Variants in DDX10 observed in about 807,000 individuals in gnomAD.
DDX10 encodes the protein DEAD-box helicase 10.
Under a neutral mutation model 104.3 loss-of-function variants are expected in DDX10, and 74 were observed. That is an observed-to-expected ratio of 0.71 (90% CI 0.59 to 0.86). The LOEUF (loss-of-function observed/expected upper bound fraction) is 0.86, where lower values mean the gene tolerates loss of function less well. Among genes scored for constraint, DDX10 ranks in the 40% least tolerant of loss-of-function variants. The pLI is 0.00. For missense variants in DDX10, 952 were observed against 1,040.0 expected (o/e 0.92, Z 1.16); for synonymous variants, 351 against 353.4 (o/e 0.99, Z 0.08).
At chr11:108,679,281 C>T in intron 5 of DDX10, 90 bp from the exon 6 acceptor site, 3 of 1,106,462 alleles carry the variant, frequency 2.7e-6, no homozygotes, top group Non-Finnish European at 2.6e-6. Flanking sequence ...TGTTCTTTTT[C>T]TGTTTTAGGA....
intron 6 of DDX10, among the ~76,000 whole-genome samples, chr11:108,685,495 C>T (rs113088076): frequency 0.042 from 6,377 of 152,042 alleles, 368 homozygotes; most frequent in African/African-American, 0.13. Flanking sequence ...CCGTCTTCTG[C>T]GTTGCTCACG....
At chr11:108,782,610 TA>T (rs1456086800) in intron 13 of DDX10, among the ~76,000 whole-genome samples, 1 of 152,102 alleles carries the variant, frequency 6.6e-6, no homozygotes, top group African/African-American at 2.4e-5. Context: ...GAGAAGTAAA[TA>T]TTTTTTTTTT....
intron 16 of DDX10, among the ~76,000 whole-genome samples, chr11:108,895,353 A>G (rs1027777260): frequency 6.6e-6 from 1 of 151,700 alleles, no homozygotes; most frequent in Non-Finnish European, 1.5e-5. Context: ...GTATAAACTC[A>G]GTCAAAAAAA....
intron 11 of DDX10, among the ~76,000 whole-genome samples, chr11:108,717,807 AG>A (rs2094293393): frequency 6.6e-6 from 1 of 152,186 alleles, no homozygotes; most frequent in South Asian, 2.1e-4. Flanking sequence ...ACAACCAGTG[AG>A]GTAGGTGGTA....
intron 9 of DDX10, among the ~76,000 whole-genome samples, chr11:108,699,926 G>A (rs1055774781): frequency 3.3e-5 from 5 of 152,146 alleles, no homozygotes; most frequent in Non-Finnish European, 7.3e-5. Flanking sequence ...ATAGTGTGTG[G>A]CTTAGATGGA....
At chr11:108,887,006 ATTC>A (rs1167181754) in intron 16 of DDX10, among the ~76,000 whole-genome samples, 1 of 152,178 alleles carries the variant, frequency 6.6e-6, no homozygotes, top group Non-Finnish European at 1.5e-5. Flanking sequence ...ATCCTTCTCT[ATTC>A]TTCCTCAACT....
chr11:108,809,431 A>G (rs1289646678), intron 13 of DDX10, among the ~76,000 whole-genome samples: 1 of 152,230 alleles, frequency 6.6e-6, no homozygotes. Context: ...ACAGAGAACA[A>G]GCTGCTCTGT....
intron 13 of DDX10, among the ~76,000 whole-genome samples, chr11:108,770,545 C>T (rs1422950581): frequency 9.0e-6 from 1 of 111,072 alleles, no homozygotes; most frequent in African/African-American, 2.8e-5. Context: ...GGTAACCATC[C>T]TTCTACTCTC....
chr11:108,916,453 C>G (rs1259887113), intron 16 of DDX10, among the ~76,000 whole-genome samples: 1 of 151,986 alleles, frequency 6.6e-6, no homozygotes, highest in African/African-American at 2.4e-5. Flanking sequence ...GGGACTTTTG[C>G]AGTGGTGACT....
chr11:108,685,645 G>A (rs182671129), intron 6 of DDX10, among the ~76,000 whole-genome samples: 227 of 152,320 alleles, frequency 1.5e-3, no homozygotes, highest in African/African-American at 5.3e-3. Flanking sequence ...TGGTCATTGT[G>A]TTAAGCTTTA....
intron 13 of DDX10, among the ~76,000 whole-genome samples, chr11:108,765,285 A>T (rs563367028): frequency 5.9e-5 from 9 of 152,302 alleles, no homozygotes; most frequent in Admixed American, 4.6e-4. Flanking sequence ...GTTTATTCTA[A>T]ATCCCCATTC....
chr11:108,796,414 G>A (rs1392473916), intron 13 of DDX10, among the ~76,000 whole-genome samples: 2 of 152,154 alleles, frequency 1.3e-5, no homozygotes, highest in African/African-American at 4.8e-5. Flanking sequence ...TTCTTCCACT[G>A]AGTCTTGAAT....
chr11:108,895,356 CA>C (rs200449114), intron 16 of DDX10, among the ~76,000 whole-genome samples: 2 of 148,186 alleles, frequency 1.3e-5, no homozygotes, highest in Non-Finnish European at 1.5e-5. Context: ...TAAACTCAGT[CA>C]AAAAAAAAGC....
At chr11:108,914,193 T>C (rs1318268236) in intron 16 of DDX10, among the ~76,000 whole-genome samples, 1 of 152,220 alleles carries the variant, frequency 6.6e-6, no homozygotes, top group Non-Finnish European at 1.5e-5. Flanking sequence ...TTATATTAAG[T>C]TTAACTTTCA....
chr11:108,937,507 A>G (rs1864051651), intron 17 of DDX10, among the ~76,000 whole-genome samples: 1 of 152,184 alleles, frequency 6.6e-6, no homozygotes, highest in South Asian at 2.1e-4. Context: ...CCAATGTTGT[A>G]TCTTGTTTTC....
At chr11:108,799,685 G>A (rs1051708536) in intron 13 of DDX10, among the ~76,000 whole-genome samples, 30 of 152,108 alleles carry the variant, frequency 2.0e-4, no homozygotes, top group South Asian at 1.9e-3. Flanking sequence ...TTGACCTTGC[G>A]CAGATTTCAT....
chr11:108,740,556 C>T (rs566992911), intron 13 of DDX10, among the ~76,000 whole-genome samples: 56 of 152,224 alleles, frequency 3.7e-4, no homozygotes, highest in Non-Finnish European at 6.5e-4. Flanking sequence ...TTTGAGAAAT[C>T]ACCAAACTGC....
intron 16 of DDX10, among the ~76,000 whole-genome samples, chr11:108,893,623 C>T (rs1032823157): frequency 1.3e-5 from 2 of 151,356 alleles, no homozygotes; most frequent in Admixed American, 6.6e-5. Flanking sequence ...AAAAACTGCA[C>T]GAAATAAACT....
intron 1 of DDX10, among the ~76,000 whole-genome samples, chr11:108,670,088 T>C (rs148079240): frequency 1.3e-5 from 2 of 152,342 alleles, no homozygotes; most frequent in East Asian, 3.9e-4. Flanking sequence ...ACAGAGGCCA[T>C]GCTCAAAGAC....
Sources: gnomAD v4.1 joint callset for allele counts (sites outside exome capture counted in the v4.1 genomes callset) on GRCh38, gnomAD v4.1.1 for gene constraint, MANE v1.5 for transcripts, NCBI Gene and HGNC (gene_info 2026-07-23, HGNC 2026-07-21) for gene names.